Variants in KASH5 observed in about 807,000 individuals in gnomAD.
KASH5 encodes the protein KASH domain containing 5.
Under a neutral mutation model 84.2 loss-of-function variants are expected in KASH5, and 72 were observed. The ratio of observed to expected loss-of-function variants is 0.85; its 90% CI spans 0.71 to 1.04. The LOEUF is 1.04. Ranked by LOEUF, KASH5 falls within the 50% of genes least tolerant of loss-of-function variation. The pLI is 0.00. For missense variants in KASH5, 650 were observed against 701.0 expected (o/e 0.93, Z 0.82); for synonymous variants, 260 against 279.1 (o/e 0.93, Z 0.68).
rs1428091114 is a variant in KASH5 at position 49,406,971 on chromosome 19, TC to T, written c.876+10del. ...GAGAAGGACACTTTGAAGGTGCCACTCCTTCCTAGTGCCTGACAACTTTCCA... is the reference window on the plus strand; with the variant it reads ...GAGAAGGACACTTTGAAGGTGCCACTCTTCCTAGTGCCTGACAACTTTCCA... On this transcript the variant is annotated intron_variant, in intron 10 of 19. Coordinates refer to ENST00000447857, the MANE Select transcript of KASH5 (RefSeq NM_144688.5). 2.5e-6 allele frequency: 4 copies of T among 1,578,068 alleles called. No homozygotes were observed. The highest frequency in any genetic ancestry group is 1.7e-4 in the Middle Eastern group (1 of 5,970).
At chr19:49,393,719 G>A (rs1974079705) in intron 2 of KASH5, 1 of 151,966 alleles carries the variant, frequency 6.6e-6, no homozygotes, top group Non-Finnish European at 1.4e-5. Flanking sequence ...GTGTGTGTGT[G>A]TACATGCGTG....
At chr19:49,398,989 C>G in intron 7 of KASH5, 36 bp from the exon 8 acceptor site, 2 of 1,479,602 alleles carry the variant, frequency 1.4e-6, no homozygotes, top group Non-Finnish European at 1.8e-6. Context: ...GCCTTCCTCC[C>G]TCTCGTATGG....
Position 49,417,040 on chromosome 19 carries a change from C to G in KASH5, c.1400C>G (p.Ala467Gly), listed in dbSNP as rs756363960. The change falls in exon 18 of 20, where the codon GCC becomes GGC. Residue 467 changes from alanine (A) to glycine (G), a missense_variant. Coordinates refer to ENST00000447857, the MANE Select transcript of KASH5 (RefSeq NM_144688.5). The surrounding 1 kb of genome is among the most constrained non-coding windows in gnomAD (Gnocchi z 5.2). ...VTADLPVPLGAPRPGDIPENP... is the reference protein window; with the variant it reads ...VTADLPVPLGGPRPGDIPENP... ...GCTGATCTCCCTGTCCCTCTAGGAG[C>G]CCCTCGCCCTGGAGACATCCCAGAA... 6.3e-7 allele frequency: 1 copy of G among 1,593,764 alleles called. No homozygotes were observed. The highest frequency in any genetic ancestry group is 1.8e-5 in the Admixed American group (1 of 57,106).
intron 2 of KASH5, among the ~76,000 whole-genome samples, chr19:49,392,713 A>G (rs1456791434): frequency 6.6e-6 from 1 of 152,162 alleles, no homozygotes; most frequent in African/African-American, 2.4e-5. Flanking sequence ...GGAGTTCGAG[A>G]CCAGCCTTGC....
chr19:49,402,376 C>T (rs920618130), intron 9 of KASH5, among the ~76,000 whole-genome samples: 1 of 144,790 alleles, frequency 6.9e-6, no homozygotes, highest in East Asian at 2.0e-4. Flanking sequence ...AGTGAGAGCC[C>T]GTCTCTATAA....
chr19:49,399,899 G>C lies in KASH5; in HGVS notation c.798+392G>C, dbSNP rs1600914248. The C allele has an allele frequency of 4.4e-6, 1 of 225,950 alleles. No individual in the cohort carries two copies. Among genetic ancestry groups the C allele is most frequent in the East Asian group, 8.9e-5 (1 of 11,204 alleles). 14.0% of individuals were successfully genotyped at this position (225,950 alleles called of 1,614,324 possible). A position where few individuals can be genotyped will look rare whatever the true frequency, so the allele number is the denominator to read the frequency against. On this transcript the variant is annotated intron_variant, in intron 9 of 19. Coordinates refer to ENST00000447857, the MANE Select transcript of KASH5 (RefSeq NM_144688.5). This position sits in a 1 kb window ranked among gnomAD's most constrained non-coding sequence, Gnocchi z 4.4. Reference sequence around the variant, plus strand: ...GACACATAGGATGTGCTCACTAAAAGTTATCTAGCATTGTTTCTATATTAG... The same window carrying C: ...GACACATAGGATGTGCTCACTAAAACTTATCTAGCATTGTTTCTATATTAG...
Position 49,399,528 on chromosome 19 carries a change from A to G in KASH5, c.798+21A>G. On this transcript the variant is annotated intron_variant, in intron 9 of 19. Coordinates refer to ENST00000447857, the MANE Select transcript of KASH5 (RefSeq NM_144688.5). The surrounding 1 kb of genome is among the most constrained non-coding windows in gnomAD (Gnocchi z 4.4). Reference sequence around the variant, plus strand: ...AGGAGGTGAGCGGAGGCCCAGCACCACCCCCACCCCTTCCCCAGTCCTTAA... The same window carrying G: ...AGGAGGTGAGCGGAGGCCCAGCACCGCCCCCACCCCTTCCCCAGTCCTTAA... 6.3e-7 allele frequency: 1 copy of G among 1,593,802 alleles called. No homozygotes were observed.
chr19:49,407,518 G>A, intron 11 of KASH5, 94 bp from the exon 12 acceptor site: 1 of 1,368,340 alleles, frequency 7.3e-7, no homozygotes, highest in South Asian at 1.2e-5. Flanking sequence ...AGCTCACCCT[G>A]TCCCTTAACC....
Position 49,414,685 on chromosome 19 carries a change from C to T in KASH5, c.1329-266C>T, listed in dbSNP as rs991358251. ...ACATATGCAGGACACCCCCCAGGCCCGTCCGTGCTGCCTGGCCTCCCCCAG... is the reference window on the plus strand; with the variant it reads ...ACATATGCAGGACACCCCCCAGGCCTGTCCGTGCTGCCTGGCCTCCCCCAG... On this transcript the variant is annotated intron_variant, in intron 16 of 19. Transcript: ENST00000447857. The surrounding 1 kb of genome is among the most constrained non-coding windows in gnomAD (Gnocchi z 4.5). Among the ~76,000 whole-genome samples, 7 of 147,986 alleles carry T rather than the reference C, an allele frequency of 4.7e-5. No homozygotes were observed. Among genetic ancestry groups the T allele is most frequent in the South Asian group, 2.1e-4 (1 of 4,802 alleles).
chr19:49,407,771 G>A lies in KASH5; in HGVS notation c.993+100G>A, dbSNP rs574163635. 1.1e-5 allele frequency: 13 copies of A among 1,140,054 alleles called. No homozygotes were observed. The East Asian group carries it at 2.8e-4, about 25-fold the overall frequency. The allele number at this position is 1,140,054 out of a possible 1,614,324, so 70.6% of individuals were successfully genotyped here. A position where few individuals can be genotyped will look rare whatever the true frequency, so the allele number is the denominator to read the frequency against. On this transcript the variant is annotated intron_variant, in intron 12 of 19. Transcript: ENST00000447857. ...TCCTCCTCGTGCCTCTTTGTCAGTG[G>A]CCACATCTTGCTTCTTCCATCCTTG...
At chr19:49,413,690 G>T (rs150313216) in intron 16 of KASH5, among the ~76,000 whole-genome samples, 3 of 152,138 alleles carry the variant, frequency 2.0e-5, no homozygotes, top group South Asian at 2.1e-4. Flanking sequence ...TAGTGGAAGT[G>T]GGGGAGGCAG....
In KASH5 at chr19:49,399,908, C is replaced by T. The variant is rs191100419; in HGVS notation, c.798+401C>T. 30 of 209,816 alleles carry T rather than the reference C, an allele frequency of 1.4e-4. No individual in the cohort carries two copies. Among genetic ancestry groups the T allele is most frequent in the Non-Finnish European group, 2.5e-4 (26 of 102,816 alleles). The allele number at this position is 209,816 out of a possible 1,614,324, so 13.0% of individuals were successfully genotyped here. ...GATGTGCTCACTAAAAGTTATCTAG[C>T]ATTGTTTCTATATTAGTATTTTTTA... On this transcript the variant is annotated intron_variant, in intron 9 of 19. Transcript: ENST00000447857. This position sits in a 1 kb window ranked among gnomAD's most constrained non-coding sequence, Gnocchi z 4.4.
intron 5 of KASH5, 88 bp from the exon 6 acceptor site, chr19:49,397,563 G>C (rs1974220914): frequency 1.8e-6 from 2 of 1,141,738 alleles, no homozygotes; most frequent in African/African-American, 1.5e-5. Flanking sequence ...GAGGGTGGAG[G>C]CAGATGGAGT....
intron 2 of KASH5, among the ~76,000 whole-genome samples, chr19:49,392,894 A>G (rs1253502786): frequency 6.7e-6 from 1 of 149,866 alleles, no homozygotes; most frequent in Non-Finnish European, 1.5e-5. Flanking sequence ...CCTGGGTGAC[A>G]CAGCGAGACT....
In KASH5 at chr19:49,399,739, G is replaced by A; in HGVS notation, c.798+232G>A. On this transcript the variant is annotated intron_variant, in intron 9 of 19. Coordinates refer to ENST00000447857, the MANE Select transcript of KASH5 (RefSeq NM_144688.5). This position sits in a 1 kb window ranked among gnomAD's most constrained non-coding sequence, Gnocchi z 4.4. ...CTTCAGGCTGAGGCCACCTACATAA[G>A]AGTGGACCAGTGCCTCCCTTCTCTG... is the stretch of plus-strand genomic sequence containing the variant. 5 of 1,243,996 alleles carry A rather than the reference G, an allele frequency of 4.0e-6. No homozygotes were observed. In the South Asian group the frequency reaches 5.0e-5, roughly 13 times the overall value. 77.1% of individuals were successfully genotyped at this position (1,243,996 alleles called of 1,614,324 possible).
At chr19:49,401,740 G>C (rs759411660) in intron 9 of KASH5, among the ~76,000 whole-genome samples, 1 of 152,152 alleles carries the variant, frequency 6.6e-6, no homozygotes, top group Non-Finnish European at 1.5e-5. Context: ...GCCTAGTCCA[G>C]ACAGATCATG....
chr19:49,406,322 AC>A (rs1348287238), intron 9 of KASH5, among the ~76,000 whole-genome samples: 1 of 152,174 alleles, frequency 6.6e-6, no homozygotes, highest in Non-Finnish European at 1.5e-5. Flanking sequence ...GCGATTATTA[AC>A]CTATCTAATC....
Position 49,399,097 on chromosome 19 carries a change from C to G in KASH5, c.702C>G (p.Ser234Arg). The G allele has an allele frequency of 3.9e-6, 6 of 1,551,686 alleles. No individual in the cohort carries two copies. Among genetic ancestry groups the G allele is most frequent in the South Asian group, 1.2e-5 (1 of 84,052 alleles). The change falls in exon 8 of 20, where the codon AGC (serine) becomes AGG (arginine). Residue 234 changes from serine to arginine, a missense_variant. Transcript: ENST00000447857. This position sits in a 1 kb window ranked among gnomAD's most constrained non-coding sequence, Gnocchi z 4.4. ...ELEDLKTLAR[S>R]LEEQNRSLLA... Reference sequence around the variant, plus strand: ...AGGACCTGAAGACTCTGGCCAGGAGCCTGGAGGAACAGAATCGCAGCCTTC... The same window carrying G: ...AGGACCTGAAGACTCTGGCCAGGAGGCTGGAGGAACAGAATCGCAGCCTTC...
Position 49,407,672 on chromosome 19 carries a change from G to A in KASH5, c.993+1G>A. 2 of 1,602,046 alleles carry A rather than the reference G, an allele frequency of 1.2e-6. No individual in the cohort carries two copies. Among genetic ancestry groups the A allele is most frequent in the East Asian group, 4.5e-5 (2 of 44,166 alleles). ...GGAAGAATACAGAGTGACGACGCAGGTAACTCAGCGGCCCTCGCCACCCAC... is the reference window on the plus strand; with the variant it reads ...GGAAGAATACAGAGTGACGACGCAGATAACTCAGCGGCCCTCGCCACCCAC... On this transcript the variant is annotated splice_donor_variant, in intron 12 of 19. Transcript: ENST00000447857. LOFTEE classifies it high-confidence loss of function.
Sources: gnomAD v4.1 joint callset for allele counts (sites outside exome capture counted in the v4.1 genomes callset) on GRCh38, gnomAD v4.1.1 for gene constraint, Gnocchi (gnomAD v3.1) non-coding constraint, MANE v1.5 for transcripts, NCBI Gene and HGNC (gene_info 2026-07-23, HGNC 2026-07-21) for gene names.